PRSS38: variants seen among roughly 807,000 people sequenced by gnomAD.
PRSS38 encodes marapsin 2.
Under a neutral mutation model 26.8 loss-of-function variants are expected in PRSS38, and 22 were observed. The ratio of observed to expected loss-of-function variants is 0.82; its 90% CI spans 0.59 to 1.17. The LOEUF (loss-of-function observed/expected upper bound fraction) is 1.17. Ranked by LOEUF, PRSS38 falls within the 50% of genes most tolerant of loss-of-function variation. PRSS38 has a pLI of 0.00. For synonymous variants in PRSS38, 175 were observed against 172.1 expected (o/e 1.02, Z -0.13); for missense variants, 427 against 422.7 (o/e 1.01, Z -0.09).
intron 3 of PRSS38, 44 bp from the exon 4 acceptor site, chr1:227,845,425 AC>A (rs1558239218): frequency 1.3e-6 from 2 of 1,514,118 alleles, no homozygotes; most frequent in Non-Finnish European, 1.8e-6. Flanking sequence ...CCCCCACCCC[AC>A]ACGAAGCAGG....
intron 1 of PRSS38, 85 bp downstream of exon 1, chr1:227,815,949 G>A (rs562226146): frequency 3.2e-5 from 49 of 1,508,940 alleles, no homozygotes; most frequent in East Asian, 9.4e-5. Flanking sequence ...CCCCCATGTC[G>A]CCTGCCCATC....
At chr1:227,820,203 T>A (rs968044008) in intron 3 of PRSS38, among the ~76,000 whole-genome samples, 3 of 151,898 alleles carry the variant, frequency 2.0e-5, no homozygotes, top group Non-Finnish European at 4.4e-5. Flanking sequence ...GTTTTTTTTT[T>A]AAAGATTAAT....
chr1:227,820,458 A>C (rs1664987145), intron 3 of PRSS38, among the ~76,000 whole-genome samples: 2 of 152,116 alleles, frequency 1.3e-5, no homozygotes, highest in African/African-American at 4.8e-5. Context: ...AAATGCCTTA[A>C]TGTTGATGAA....
At chr1:227,843,158 A>C (rs915311164) in intron 3 of PRSS38, among the ~76,000 whole-genome samples, 11 of 152,276 alleles carry the variant, frequency 7.2e-5, no homozygotes, top group Admixed American at 1.3e-4. Context: ...AGCCATCCAT[A>C]CATAATGTAG....
At chr1:227,815,768 C>A in exon 1 of PRSS38, 1 of 1,611,670 alleles carries the variant, frequency 6.2e-7, no homozygotes, top group Non-Finnish European at 8.5e-7. Context: ...TGCCCTGGGC[C>A]TTCTGCTGCT....
chr1:227,824,648 G>A (rs1022197046), intron 3 of PRSS38, among the ~76,000 whole-genome samples: 1 of 152,122 alleles, frequency 6.6e-6, no homozygotes, highest in East Asian at 1.9e-4. Flanking sequence ...TCGCCACACT[G>A]TCTTCTGCAA....
intron 3 of PRSS38, among the ~76,000 whole-genome samples, chr1:227,820,088 T>TC (rs1664980727): frequency 2.6e-5 from 1 of 38,492 alleles, no homozygotes; most frequent in Non-Finnish European, 4.6e-5. Context: ...AAACTCCATC[T>TC]CAAAAAAAAA....
At chr1:227,823,114 C>G (rs1018929903) in intron 3 of PRSS38, among the ~76,000 whole-genome samples, 3 of 151,828 alleles carry the variant, frequency 2.0e-5, no homozygotes, top group African/African-American at 7.3e-5. Context: ...CTTGCTGAGT[C>G]TCCAATGCAT....
rs764038836 is a variant in PRSS38 at position 227,845,967 on chromosome 1, G to A, written c.740G>A (p.Gly247Asp). The change falls in exon 5 of 5, where the codon GGC becomes GAC. Residue 247 changes from glycine (G) to aspartate (D), a missense_variant. By Grantham distance (94) the Gly-to-Asp change is moderately conservative. Coordinates refer to ENST00000366757, the Ensembl canonical transcript of PRSS38. ...CTTCCTTTCTAGGGCGACTCCGGGG[G>A]CCCACTTGTCTGTGAATTCAACCGC... 2.2e-5 allele frequency: 36 copies of A among 1,613,974 alleles called. No individual in the cohort carries two copies. The Admixed American group carries it at 5.2e-4, about 23-fold the overall frequency.
chr1:227,816,740 A>G lies in PRSS38; in HGVS notation c.312-469A>G, dbSNP rs778582918. 4.6e-5 allele frequency among the ~76,000 whole-genome samples: 7 copies of G among 152,016 alleles called. No individual in the cohort carries two copies. Among genetic ancestry groups the G allele is most frequent in the Non-Finnish European group, 1.0e-4 (7 of 68,002 alleles). Reference sequence around the variant, plus strand: ...AAGTGAGGCTGGTCCTCAAGTGCACAGCCAGGTCCCACAAAAGTGAGGCTG... The same window carrying G: ...AAGTGAGGCTGGTCCTCAAGTGCACGGCCAGGTCCCACAAAAGTGAGGCTG... On this transcript the variant is annotated intron_variant, in intron 2 of 4. Coordinates refer to ENST00000366757, the Ensembl canonical transcript of PRSS38. The surrounding 1 kb of genome is among the most constrained non-coding windows in gnomAD (Gnocchi z 5.1).
At chr1:227,834,784 T>C (rs1354852798) in intron 3 of PRSS38, among the ~76,000 whole-genome samples, 1 of 152,154 alleles carries the variant, frequency 6.6e-6, no homozygotes, top group Non-Finnish European at 1.5e-5. Flanking sequence ...GAGCCAAGAT[T>C]GCACCACTGC....
In PRSS38 at chr1:227,816,085, T is replaced by G. The variant is rs1664908387; in HGVS notation, c.149-5T>G. On this transcript the variant is annotated splice_polypyrimidine_tract_variant and splice_region_variant and intron_variant, in intron 1 of 4. Transcript: ENST00000366757. The surrounding 1 kb of genome is among the most constrained non-coding windows in gnomAD (Gnocchi z 5.1). ...GCTCCACCGTCAGCTCCGTTCTCCC[T>G]GCAGCCTGTGGTCGGCCCAGCATGG... 1 of 1,607,616 alleles carries G rather than the reference T, an allele frequency of 6.2e-7. No homozygotes were observed. The highest frequency in any genetic ancestry group is 8.5e-7 in the Non-Finnish European group (1 of 1,176,556).
At chr1:227,820,106 A>G (rs888078521) in intron 3 of PRSS38, among the ~76,000 whole-genome samples, 1 of 150,744 alleles carries the variant, frequency 6.6e-6, no homozygotes, top group African/African-American at 2.4e-5. Context: ...AAAAAAAAAA[A>G]AAAAAAAGCA....
At chr1:227,835,672 A>G (rs963147905) in intron 3 of PRSS38, among the ~76,000 whole-genome samples, 4 of 152,230 alleles carry the variant, frequency 2.6e-5, no homozygotes, top group African/African-American at 9.6e-5. Flanking sequence ...GTCGAGCCTC[A>G]AAAACACAAT....
intron 3 of PRSS38, among the ~76,000 whole-genome samples, chr1:227,838,448 C>T (rs1665269926): frequency 6.6e-6 from 1 of 152,156 alleles, no homozygotes; most frequent in Admixed American, 6.5e-5. Context: ...TCAGAGCCAG[C>T]ATGGGCGCTC....
chr1:227,817,705 G>T (rs1247562140), intron 3 of PRSS38, among the ~76,000 whole-genome samples: 2 of 152,122 alleles, frequency 1.3e-5, no homozygotes, highest in Non-Finnish European at 1.5e-5. Flanking sequence ...TGTGAAGTTG[G>T]TATGCAGTAT....
chr1:227,839,073 CA>C (rs1202396701), intron 3 of PRSS38, among the ~76,000 whole-genome samples: 3 of 152,106 alleles, frequency 2.0e-5, no homozygotes, highest in Non-Finnish European at 4.4e-5. Flanking sequence ...CAGGTTCAGC[CA>C]AAAATGTTTT....
At chr1:227,839,988 A>C (rs76677522) in intron 3 of PRSS38, among the ~76,000 whole-genome samples, 2,759 of 152,310 alleles carry the variant, frequency 0.018, 91 homozygotes, top group African/African-American at 0.063. Flanking sequence ...ACTTGCGAAC[A>C]GAAACAGTTT....
chr1:227,826,907 A>C (rs138987833), intron 3 of PRSS38, among the ~76,000 whole-genome samples: 173 of 152,250 alleles, frequency 1.1e-3, no homozygotes, highest in African/African-American at 4.0e-3. Flanking sequence ...AATTTTACCA[A>C]AGGCCTTTTC....
Sources: allele counts gnomAD v4.1 joint callset (sites outside exome capture counted in the v4.1 genomes callset), GRCh38; gene constraint gnomAD v4.1.1; non-coding constraint Gnocchi (gnomAD v3.1); transcripts MANE v1.5; gene names NCBI Gene and HGNC (gene_info 2026-07-23, HGNC 2026-07-21).